The following ASH1L variants were observed in gnomAD, a reference collection of about 807,000 sequenced individuals.
The protein encoded by ASH1L is ASH1 like histone lysine methyltransferase, also known as histone-lysine N-methyltransferase ASH1L.
In ASH1L, 23 loss-of-function variants were observed where a neutral mutation model predicts 269.0. The ratio of observed to expected loss-of-function variants is 0.09; its 90% CI spans 0.06 to 0.12. The LOEUF (loss-of-function observed/expected upper bound fraction) is 0.12. ASH1L is among the 10% of genes least tolerant of loss of function. The pLI, the probability that ASH1L is intolerant of heterozygous loss-of-function variation, is 1.00. For synonymous variants in ASH1L, 1,187 were observed against 1,253.5 expected (o/e 0.95, Z 1.12); for missense variants, 2,912 against 3,567.8 (o/e 0.82, Z 4.68).
chr1:155,502,882 A>T (rs1267342173), intron 2 of ASH1L, among the ~76,000 whole-genome samples: 13 of 152,202 alleles, frequency 8.5e-5, no homozygotes, highest in Admixed American at 8.5e-4. Flanking sequence ...GGTTGAGACA[A>T]ATAGAATTTT....
chr1:155,399,225 G>T (rs1346295430), intron 6 of ASH1L, among the ~76,000 whole-genome samples: 1 of 152,188 alleles, frequency 6.6e-6, no homozygotes, highest in Non-Finnish European at 1.5e-5. Context: ...ATGCTGCTGG[G>T]TTCTACAAGG....
At chr1:155,491,448 C>T (rs1017584920) in intron 2 of ASH1L, among the ~76,000 whole-genome samples, 6 of 152,008 alleles carry the variant, frequency 3.9e-5, no homozygotes, top group Non-Finnish European at 7.4e-5. Context: ...TACTAATTAC[C>T]TCACATATTC....
intron 10 of ASH1L, among the ~76,000 whole-genome samples, chr1:155,371,786 CAGGTT>C (rs1655971345): frequency 6.6e-6 from 1 of 150,446 alleles, no homozygotes; most frequent in Non-Finnish European, 1.5e-5. Flanking sequence ...CTCCGCTTCC[CAGGTT>C]CAAGAGATTC....
intron 2 of ASH1L, among the ~76,000 whole-genome samples, chr1:155,486,702 C>T (rs1558157830): frequency 1.3e-5 from 2 of 152,082 alleles, no homozygotes; most frequent in Non-Finnish European, 2.9e-5. Context: ...AAACAATTCC[C>T]ATTCATTACT....
chr1:155,358,481 C>T (rs544122573), intron 13 of ASH1L, among the ~76,000 whole-genome samples: 4 of 151,680 alleles, frequency 2.6e-5, no homozygotes, highest in East Asian at 2.0e-4. Flanking sequence ...GTCAGCAGAT[C>T]GAGACCATCC....
intron 2 of ASH1L, among the ~76,000 whole-genome samples, chr1:155,498,982 A>G (rs1667337945): frequency 6.6e-6 from 1 of 151,794 alleles, no homozygotes; most frequent in South Asian, 2.1e-4. Flanking sequence ...TCAAGAATGC[A>G]TTTTAATAGA....
At chr1:155,558,428 G>A (rs1379967064) in intron 1 of ASH1L, among the ~76,000 whole-genome samples, 1 of 152,000 alleles carries the variant, frequency 6.6e-6, no homozygotes, top group Non-Finnish European at 1.5e-5. Flanking sequence ...CTGAGATCGC[G>A]CTGTTGCACT....
intron 1 of ASH1L, among the ~76,000 whole-genome samples, chr1:155,527,637 A>G (rs973353132): frequency 6.6e-6 from 1 of 150,680 alleles, no homozygotes; most frequent in African/African-American, 2.4e-5. Flanking sequence ...CCTGGGCTCA[A>G]GTGATTCTCC....
intron 1 of ASH1L, among the ~76,000 whole-genome samples, chr1:155,557,226 G>A (rs574565994): frequency 3.9e-4 from 59 of 151,870 alleles, no homozygotes; most frequent in African/African-American, 1.4e-3. Context: ...TAAGATTATT[G>A]GTTAAATTTC....
intron 13 of ASH1L, 65 bp downstream of exon 13, chr1:155,360,236 G>T (rs1263278405): frequency 1.8e-6 from 2 of 1,092,158 alleles, no homozygotes; most frequent in African/African-American, 1.5e-5. Context: ...TTTACAGAAA[G>T]CTCATGTTAT....
intron 1 of ASH1L, among the ~76,000 whole-genome samples, chr1:155,550,169 C>T (rs1441620746): frequency 6.6e-6 from 1 of 152,070 alleles, no homozygotes; most frequent in African/African-American, 2.4e-5. Flanking sequence ...TACAGGTGTG[C>T]ACCACCACGC....
At chr1:155,508,942 C>G (rs1055007732) in intron 2 of ASH1L, among the ~76,000 whole-genome samples, 1 of 152,106 alleles carries the variant, frequency 6.6e-6, no homozygotes, top group African/African-American at 2.4e-5. Flanking sequence ...GTAACGTACC[C>G]TAACTCCTGG....
chr1:155,449,106 T>C (rs1176950026), intron 4 of ASH1L, among the ~76,000 whole-genome samples: 1 of 152,034 alleles, frequency 6.6e-6, no homozygotes, highest in Non-Finnish European at 1.5e-5. Context: ...GCTAATTTTT[T>C]TGTATTTTTA....
intron 2 of ASH1L, among the ~76,000 whole-genome samples, chr1:155,513,320 A>G (rs1014542556): frequency 1.3e-5 from 2 of 151,880 alleles, no homozygotes; most frequent in African/African-American, 4.8e-5. Flanking sequence ...AAATCCTAGC[A>G]CTTTGGGAGG....
At chr1:155,468,514 T>A (rs964405987) in intron 3 of ASH1L, among the ~76,000 whole-genome samples, 1 of 152,170 alleles carries the variant, frequency 6.6e-6, no homozygotes, top group Non-Finnish European at 1.5e-5. Flanking sequence ...TTCTGCCAAG[T>A]ATTTATTTAG....
At chr1:155,340,742 T>C (rs540591276) in intron 25 of ASH1L, among the ~76,000 whole-genome samples, 1 of 152,026 alleles carries the variant, frequency 6.6e-6, no homozygotes, top group African/African-American at 2.4e-5. Context: ...GTGGAGTATA[T>C]ATATAACTTT....
intron 4 of ASH1L, among the ~76,000 whole-genome samples, chr1:155,455,981 A>G (rs892546320): frequency 2.0e-5 from 3 of 152,004 alleles, no homozygotes; most frequent in Non-Finnish European, 2.9e-5. Flanking sequence ...TTCCAACTTT[A>G]TGCATATGTG....
At chr1:155,340,161 T>C (rs1190376527) in intron 25 of ASH1L, among the ~76,000 whole-genome samples, 1 of 152,092 alleles carries the variant, frequency 6.6e-6, no homozygotes, top group South Asian at 2.1e-4. Flanking sequence ...TAGGAACATA[T>C]TGCTTTGTTT....
chr1:155,537,731 T>C (rs974029601), intron 1 of ASH1L, among the ~76,000 whole-genome samples: 1 of 151,618 alleles, frequency 6.6e-6, no homozygotes. Context: ...TTCTTAGATA[T>C]GACAGCATGA....
Sources: allele counts gnomAD v4.1 joint callset (sites outside exome capture counted in the v4.1 genomes callset), GRCh38; gene constraint gnomAD v4.1.1; transcripts MANE v1.5; gene names NCBI Gene and HGNC (gene_info 2026-07-23, HGNC 2026-07-21).